The following KCTD8 variants were observed in gnomAD, a reference collection of about 807,000 sequenced individuals.
KCTD8 encodes the protein BTB/POZ domain-containing protein KCTD8.
Under a neutral mutation model 31.5 loss-of-function variants are expected in KCTD8, and 27 were observed. That is an observed-to-expected ratio of 0.86 (90% CI 0.63 to 1.18). The LOEUF is 1.18. KCTD8 is among the 50% of genes most tolerant of loss of function. The probability of loss-of-function intolerance (pLI) is 0.00; values close to 1 mark genes in which losing one functional copy is unlikely to be tolerated. For synonymous variants in KCTD8, 290 were observed against 280.0 expected (o/e 1.04, Z -0.36); for missense variants, 658 against 647.7 (o/e 1.02, Z -0.17).
intron 1 of KCTD8, among the ~76,000 whole-genome samples, chr4:44,307,542 A>G (rs764920498): frequency 1.3e-5 from 2 of 152,020 alleles, no homozygotes; most frequent in Non-Finnish European, 2.9e-5. Flanking sequence ...TATTTACTGA[A>G]GTTCAATATG....
At position 44,223,770 on chromosome 4, in the gene KCTD8, T is replaced by G. The variant is rs147937116; in HGVS notation, c.962-48520A>C. Among the ~76,000 whole-genome samples, 10 of 152,324 alleles carry G rather than the reference T, an allele frequency of 6.6e-5. No individual in the cohort carries two copies. The East Asian group carries it at 1.5e-3, about 24-fold the overall frequency. On this transcript the variant is annotated intron_variant, in intron 1 of 1. Transcript: ENST00000360029. The stretch of plus-strand genomic sequence containing the variant: ...CAGTTGAAGTCTTGTTACTGCTACA[T>G]GTAGAGCTGCAGGAGCAAACTTAAG...
chr4:44,431,528 C>T (rs6855249), intron 1 of KCTD8, among the ~76,000 whole-genome samples: 28,142 of 151,268 alleles, frequency 0.19, 2,758 homozygotes, highest in Non-Finnish European at 0.21. Flanking sequence ...GAATTTGATA[C>T]AGTCACTAGA....
chr4:44,266,661 G>C (rs9686037), intron 1 of KCTD8, among the ~76,000 whole-genome samples: 79,095 of 147,664 alleles, frequency 0.54, 21,687 homozygotes, highest in African/African-American at 0.71. Context: ...CTCACGTGCA[G>C]AGACACACAT....
chr4:44,340,083 A>T (rs1718855814), intron 1 of KCTD8, among the ~76,000 whole-genome samples: 1 of 151,848 alleles, frequency 6.6e-6, no homozygotes, highest in Non-Finnish European at 1.5e-5. Context: ...AGCACTAAAT[A>T]TGTAAAAGGG....
At position 44,316,795 on chromosome 4, in the gene KCTD8, G is replaced by GAAAA. The variant is rs71188270; in HGVS notation, c.961+130764_961+130767dup. ...GAAACCCCATCTCTACTAAAAATACGAAAAAAAAAAAAAAAAAAAAAAAAA... is the reference window on the plus strand; with the variant it reads ...GAAACCCCATCTCTACTAAAAATACGAAAAAAAAAAAAAAAAAAAAAAAAAAAAA... On this transcript the variant is annotated intron_variant, in intron 1 of 1. Transcript: ENST00000360029. 7.0e-3 allele frequency among the ~76,000 whole-genome samples: 282 copies of GAAAA among 40,286 alleles called. 16 individuals carry two copies. Among genetic ancestry groups the GAAAA allele is most frequent in the East Asian group, 0.012 (19 of 1,610 alleles). The allele number at this position is 40,286 out of a possible 152,430, so 26.4% of individuals were successfully genotyped here. A position where few individuals can be genotyped will look rare whatever the true frequency, so the allele number is the denominator to read the frequency against.
At position 44,402,008 on chromosome 4, in the gene KCTD8, T is replaced by C. The variant is rs1720676375; in HGVS notation, c.961+45555A>G. 2.6e-5 allele frequency among the ~76,000 whole-genome samples: 4 copies of C among 152,172 alleles called. No individual in the cohort carries two copies. In the South Asian group the frequency reaches 8.3e-4, roughly 32 times the overall value. ...GTTAATCCAATAATAATCTCCTTAA[T>C]TAATTCAAGCTTGTATATTATTTTT... On this transcript the variant is annotated intron_variant, in intron 1 of 1. Coordinates refer to ENST00000360029, the MANE Select transcript of KCTD8 (RefSeq NM_198353.3).
At chr4:44,283,595 AGTC>A (rs1307182495) in intron 1 of KCTD8, among the ~76,000 whole-genome samples, 2 of 152,166 alleles carry the variant, frequency 1.3e-5, no homozygotes, top group Non-Finnish European at 2.9e-5. Context: ...TGGAACAAGA[AGTC>A]CTAGATGACA....
chr4:44,176,060 G>T (rs1301230403), intron 1 of KCTD8, among the ~76,000 whole-genome samples: 1 of 152,032 alleles, frequency 6.6e-6, no homozygotes, highest in African/African-American at 2.4e-5. Context: ...CTCCACTGTG[G>T]GATTAGGATC....
chr4:44,259,266 A>G (rs930453151), intron 1 of KCTD8, among the ~76,000 whole-genome samples: 5 of 151,716 alleles, frequency 3.3e-5, no homozygotes, highest in African/African-American at 1.2e-4. Flanking sequence ...TCAAATAAAG[A>G]GTGTAATTAT....
chr4:44,445,658 G>A (rs995035039), intron 1 of KCTD8, among the ~76,000 whole-genome samples: 4 of 152,000 alleles, frequency 2.6e-5, no homozygotes, highest in African/African-American at 9.7e-5. Context: ...TCTTTCTAGA[G>A]GAATAAGAAA....
chr4:44,405,304 C>A lies in KCTD8; in HGVS notation c.961+42259G>T, dbSNP rs202190450. On this transcript the variant is annotated intron_variant, in intron 1 of 1. Coordinates refer to ENST00000360029, the MANE Select transcript of KCTD8 (RefSeq NM_198353.3). ...GACGGAGTCTCGCTCTGTCGCCAGG[C>A]TGGAGTGTAGTGGCATGATCTCAGC... Among the ~76,000 whole-genome samples the A allele has an allele frequency of 3.3e-5, 5 of 152,218 alleles. No homozygotes were observed. The East Asian group carries it at 9.7e-4, about 30-fold the overall frequency.
chr4:44,405,116 C>T (rs16856879), intron 1 of KCTD8, among the ~76,000 whole-genome samples: 8,807 of 152,084 alleles, frequency 0.058, 840 homozygotes, highest in African/African-American at 0.2. Context: ...GCCAAACATA[C>T]CAGCTTTTGT....
At chr4:44,274,822 T>C (rs1377429828) in intron 1 of KCTD8, among the ~76,000 whole-genome samples, 1 of 151,804 alleles carries the variant, frequency 6.6e-6, no homozygotes, top group Non-Finnish European at 1.5e-5. Context: ...GCCAGGCAAA[T>C]TGCTATAAAG....
At chr4:44,288,544 G>A (rs1717169533) in intron 1 of KCTD8, among the ~76,000 whole-genome samples, 1 of 152,056 alleles carries the variant, frequency 6.6e-6, no homozygotes, top group Non-Finnish European at 1.5e-5. Context: ...AAGCAAGGAA[G>A]TAGTAGATAC....
intron 1 of KCTD8, among the ~76,000 whole-genome samples, chr4:44,193,417 G>A (rs1422078192): frequency 2.0e-5 from 3 of 152,126 alleles, no homozygotes; most frequent in African/African-American, 7.2e-5. Context: ...TAAGCTCTGA[G>A]ATACATATGC....
intron 1 of KCTD8, among the ~76,000 whole-genome samples, chr4:44,271,867 G>A (rs1472998886): frequency 6.6e-6 from 1 of 151,984 alleles, no homozygotes; most frequent in African/African-American, 2.4e-5. Context: ...TCTCAGCTCT[G>A]AAGGCTGTGA....
chr4:44,270,698 G>A (rs993243441), intron 1 of KCTD8, among the ~76,000 whole-genome samples: 3 of 152,056 alleles, frequency 2.0e-5, no homozygotes, highest in African/African-American at 7.2e-5. Flanking sequence ...ACTGCTGAAA[G>A]CACAAATGGG....
intron 1 of KCTD8, among the ~76,000 whole-genome samples, chr4:44,219,384 A>G (rs1182106995): frequency 6.6e-6 from 1 of 152,216 alleles, no homozygotes; most frequent in Non-Finnish European, 1.5e-5. Flanking sequence ...CTTTGCCAGT[A>G]TAATATAGCT....
intron 1 of KCTD8, among the ~76,000 whole-genome samples, chr4:44,253,607 C>T (rs1468715165): frequency 2.0e-5 from 3 of 151,652 alleles, no homozygotes; most frequent in African/African-American, 7.3e-5. Context: ...AAAGAAGCCA[C>T]CTTCATGGCA....
Sources: gnomAD v4.1 joint callset for allele counts (sites outside exome capture counted in the v4.1 genomes callset) on GRCh38, gnomAD v4.1.1 for gene constraint, MANE v1.5 for transcripts, NCBI Gene and HGNC (gene_info 2026-07-23, HGNC 2026-07-21) for gene names.